The following KDM2A variants were observed in gnomAD, a reference collection of about 807,000 sequenced individuals.
The protein encoded by KDM2A is lysine demethylase 2A, also known as lysine-specific demethylase 2A.
Under a neutral mutation model 137.3 loss-of-function variants are expected in KDM2A, and 3 were observed. The observed-to-expected ratio is 0.02, with a 90% CI of 0.01 to 0.06. The LOEUF (loss-of-function observed/expected upper bound fraction) is 0.06. Ranked by LOEUF, KDM2A falls within the 10% of genes least tolerant of loss-of-function variation. KDM2A has a pLI of 1.00. For missense variants in KDM2A, 738 were observed against 1,510.6 expected, an observed-to-expected ratio of 0.49 and a Z score of 8.48; for synonymous variants, 512 against 541.5, an observed-to-expected ratio of 0.95 and a Z score of 0.76.
Position 67,254,500 on chromosome 11 carries a change from CCTTGGGTCTGTTGATTGACCCACAT to C in KDM2A, c.3307+84_3307+108del. The stretch of plus-strand genomic sequence containing the variant: ...GAACTTGATCAGTAAACCAGAATGA[CCTTGGGTCTGTTGATTGACCCACAT>C]CAGCTCATTTCTTCACATCTGGACA... On this transcript the variant is annotated intron_variant, in intron 20 of 20. Coordinates refer to ENST00000529006, the MANE Select transcript of KDM2A (RefSeq NM_012308.3). The surrounding 1 kb of genome is among the most constrained non-coding windows in gnomAD (Gnocchi z 4.7). The C allele has an allele frequency of 8.2e-7, 1 of 1,221,814 alleles. No homozygotes were observed. The highest frequency in any genetic ancestry group is 2.3e-5 in the East Asian group (1 of 42,974). 75.7% of individuals were successfully genotyped at this position (1,221,814 alleles called of 1,614,324 possible).
rs769358723 is a variant in KDM2A at position 67,231,809 on chromosome 11, G to C, written c.1328G>C (p.Cys443Ser). The C allele has an allele frequency of 3.0e-5, 49 of 1,613,928 alleles. No individual in the cohort carries two copies. The highest frequency in any genetic ancestry group is 4.1e-5 in the Non-Finnish European group (48 of 1,179,910). The change falls in exon 12 of 21, where the codon TGT (cysteine) becomes TCT (serine). Residue 443 changes from cysteine to serine, a missense_variant. By Grantham distance (112) the Cys-to-Ser change is moderately radical (BLOSUM62 -1). This residue lies in a region of KDM2A where 113 missense variants were observed against 133.5 expected (regional missense o/e 0.85). Transcript: ENST00000529006. Reference sequence around the variant, plus strand: ...AATGGACAAGTGTGGGATCCCCAGTGTGCTCCCCGAAAGGACAGGCAAGTG... The same window carrying C: ...AATGGACAAGTGTGGGATCCCCAGTCTGCTCCCCGAAAGGACAGGCAAGTG... The part of the protein sequence containing the change: ...SHNGQVWDPQ[C>S]APRKDRQVHL...
intron 2 of KDM2A, among the ~76,000 whole-genome samples, chr11:67,162,663 C>A (rs1856660170): frequency 6.6e-6 from 1 of 152,108 alleles, no homozygotes; most frequent in Admixed American, 6.6e-5. Flanking sequence ...GCCTCGGCCT[C>A]CCAAAGTGCT....
At chr11:67,213,287 A>G (rs757080482) in intron 6 of KDM2A, among the ~76,000 whole-genome samples, 1 of 152,204 alleles carries the variant, frequency 6.6e-6, no homozygotes, top group Non-Finnish European at 1.5e-5. Flanking sequence ...TTATAACCAT[A>G]AGTTAGATAT....
chr11:67,238,540 T>G (rs2136437471), intron 12 of KDM2A, among the ~76,000 whole-genome samples: 1 of 152,232 alleles, frequency 6.6e-6, no homozygotes, highest in Non-Finnish European at 1.5e-5. Flanking sequence ...GATGACCATA[T>G]AAGCATTTCC....
At chr11:67,120,518 A>G (rs1041827147) in intron 1 of KDM2A, among the ~76,000 whole-genome samples, 2 of 152,120 alleles carry the variant, frequency 1.3e-5, no homozygotes, top group African/African-American at 4.8e-5. Flanking sequence ...TAATTTTTGG[A>G]CAAGATGTAT....
At chr11:67,170,408 C>G (rs113318225) in intron 2 of KDM2A, among the ~76,000 whole-genome samples, 1 of 92,824 alleles carries the variant, frequency 1.1e-5, no homozygotes, top group Non-Finnish European at 2.1e-5. Context: ...TTCTTTCTTT[C>G]TTTTTTTTTT....
At chr11:67,239,621 C>G (rs930160264) in intron 12 of KDM2A, among the ~76,000 whole-genome samples, 2 of 152,136 alleles carry the variant, frequency 1.3e-5, no homozygotes, top group African/African-American at 4.8e-5. Context: ...TTGGGCGACC[C>G]CCTCTACTTG....
chr11:67,217,785 C>T lies in KDM2A; in HGVS notation c.742C>T (p.Leu248=). Residue 248 remains leucine, a synonymous_variant, in exon 9 of 21, where the codon CTG becomes TTG. Coordinates refer to ENST00000529006, the MANE Select transcript of KDM2A (RefSeq NM_012308.3). The part of the protein sequence containing the change: ...AHNLELYENW[L]LSGKQGDIFL... Reference sequence around the variant, plus strand: ...CAACCTGGAGCTGTACGAGAATTGGCTGCTGTCAGGGAAACAGGGAGACAT... The same window carrying T: ...CAACCTGGAGCTGTACGAGAATTGGTTGCTGTCAGGGAAACAGGGAGACAT... The T allele has an allele frequency of 6.2e-7, 1 of 1,613,628 alleles. No individual in the cohort carries two copies.
At chr11:67,246,274 T>C (rs916750327) in intron 15 of KDM2A, among the ~76,000 whole-genome samples, 158 bp downstream of exon 15, 19 of 152,180 alleles carry the variant, frequency 1.2e-4, no homozygotes, top group Non-Finnish European at 2.5e-4. Context: ...TTGATTCATA[T>C]ATGTACAATG....
rs557122338 is a variant in KDM2A, at chr11:67,228,896, C to G, written c.1084+733C>G. Among the ~76,000 whole-genome samples the G allele has an allele frequency of 2.0e-5, 3 of 152,138 alleles. No individual in the cohort carries two copies. In the East Asian group the frequency reaches 5.8e-4, roughly 29 times the overall value. On this transcript the variant is annotated intron_variant, in intron 11 of 20. Transcript: ENST00000529006. Reference sequence around the variant, plus strand: ...CACACACCACTATGCCCAGCTAATTCTTACTTTCTGTAGAGATGAAGTCTT... The same window carrying G: ...CACACACCACTATGCCCAGCTAATTGTTACTTTCTGTAGAGATGAAGTCTT...
At chr11:67,123,856 T>C (rs1249208480) in intron 2 of KDM2A, among the ~76,000 whole-genome samples, 2 of 152,102 alleles carry the variant, frequency 1.3e-5, no homozygotes, top group Non-Finnish European at 2.9e-5. Context: ...TTTGTATTTT[T>C]AGTAAAGACT....
chr11:67,208,354 T>C (rs1251945291), intron 6 of KDM2A, among the ~76,000 whole-genome samples: 1 of 151,968 alleles, frequency 6.6e-6, no homozygotes, highest in African/African-American at 2.4e-5. Context: ...ATTACAGGCG[T>C]GAGCCACCGT....
At chr11:67,201,538 A>G (rs1444014788) in intron 5 of KDM2A, among the ~76,000 whole-genome samples, 6 of 151,874 alleles carry the variant, frequency 4.0e-5, no homozygotes, top group African/African-American at 1.5e-4. Context: ...TGGGAGGCCA[A>G]GGTGGGCAGA....
intron 6 of KDM2A, among the ~76,000 whole-genome samples, chr11:67,213,372 A>AGT (rs1201001505): frequency 9.2e-5 from 14 of 152,286 alleles, no homozygotes; most frequent in Admixed American, 4.6e-4. Flanking sequence ...TCATTGGTTG[A>AGT]GTGTAGACAC....
At chr11:67,143,893 A>G (rs902331444) in intron 2 of KDM2A, among the ~76,000 whole-genome samples, 9 of 152,068 alleles carry the variant, frequency 5.9e-5, no homozygotes, top group Non-Finnish European at 7.4e-5. Flanking sequence ...CGGCCTCCCA[A>G]AGTGCTGGGT....
intron 10 of KDM2A, among the ~76,000 whole-genome samples, chr11:67,224,827 C>CCTTTT (rs1204370255): frequency 9.0e-6 from 1 of 110,686 alleles, no homozygotes; most frequent in African/African-American, 4.6e-5. Context: ...GCAGCTGCAG[C>CCTTTT]ATTTTTTTTT....
intron 2 of KDM2A, among the ~76,000 whole-genome samples, chr11:67,171,183 T>A (rs1347087693): frequency 6.6e-6 from 1 of 152,116 alleles, no homozygotes; most frequent in Non-Finnish European, 1.5e-5. Flanking sequence ...TCTGTTTGAT[T>A]GAGATTTGTG....
At chr11:67,188,693 A>T (rs933427750) in intron 5 of KDM2A, among the ~76,000 whole-genome samples, 1 of 147,988 alleles carries the variant, frequency 6.8e-6, no homozygotes, top group African/African-American at 2.5e-5. Context: ...CAGGAAGCTG[A>T]GGTGGGAGTG....
chr11:67,225,748 A>G (rs1057267747), intron 10 of KDM2A, among the ~76,000 whole-genome samples: 1 of 150,356 alleles, frequency 6.7e-6, no homozygotes, highest in African/African-American at 2.5e-5. Flanking sequence ...TAGCCTGGGC[A>G]ATAAGCACAA....
Sources: allele counts gnomAD v4.1 joint callset (sites outside exome capture counted in the v4.1 genomes callset), GRCh38; gene constraint gnomAD v4.1.1; regional missense constraint gnomAD v4.1.1; non-coding constraint Gnocchi (gnomAD v3.1); transcripts MANE v1.5; gene names NCBI Gene and HGNC (gene_info 2026-07-23, HGNC 2026-07-21).